Variants in NBAS observed in about 807,000 individuals in gnomAD.
NBAS encodes the protein NAG/BC035112 fusion.
Under a neutral mutation model 302.5 loss-of-function variants are expected in NBAS, and 219 were observed. The observed-to-expected ratio is 0.72, with a 90% CI of 0.65 to 0.81. The LOEUF (loss-of-function observed/expected upper bound fraction) is 0.81. NBAS is among the 30% of genes least tolerant of loss of function. NBAS has a pLI of 0.00. For synonymous variants in NBAS, 1,118 were observed against 1,021.6 expected (o/e 1.09, Z -1.80); for missense variants, 2,932 against 2,841.6 (o/e 1.03, Z -0.72).
At chr2:15,072,411 C>A in the NBAS span, among the ~76,000 whole-genome samples, 1 of 152,106 alleles carries the variant, frequency 6.6e-6, no homozygotes, top group Non-Finnish European at 1.5e-5. Flanking sequence ...GTACATGACT[C>A]CTTTACCATA....
rs185481614 is a variant in NBAS at position 15,257,916 on chromosome 2, T to C, written c.5724+17568A>G. ...AATAGAAAACTGACATTGAACTCAATCACAATCTAACAATAGTCATCCAAG... is the reference window on the plus strand; with the variant it reads ...AATAGAAAACTGACATTGAACTCAACCACAATCTAACAATAGTCATCCAAG... On this transcript the variant is annotated intron_variant, in intron 44 of 51. Transcript: ENST00000281513. Among the ~76,000 whole-genome samples the C allele has an allele frequency of 3.8e-3, 572 of 152,296 alleles. 3 individuals carry two copies. The highest frequency in any genetic ancestry group is 0.013 in the African/African-American group (553 of 41,556).
intron 44 of NBAS, among the ~76,000 whole-genome samples, chr2:15,248,090 C>T (rs575713148): frequency 1.0e-3 from 155 of 152,190 alleles, no homozygotes; most frequent in African/African-American, 3.5e-3. Context: ...GAATGGAAAT[C>T]ATAACAAACA....
chr2:15,049,843 G>A, the NBAS span, among the ~76,000 whole-genome samples: 14 of 152,182 alleles, frequency 9.2e-5, no homozygotes, highest in Admixed American at 3.3e-4. Context: ...CGACAGGGCC[G>A]GGAAGCCAGG....
intron 48 of NBAS, among the ~76,000 whole-genome samples, chr2:15,210,947 G>C (rs1179601287): frequency 6.6e-6 from 1 of 152,134 alleles, no homozygotes; most frequent in Non-Finnish European, 1.5e-5. Context: ...TGCAGATAGA[G>C]AATAGAAGGA....
chr2:15,036,057 C>A, the NBAS span, among the ~76,000 whole-genome samples: 1 of 152,154 alleles, frequency 6.6e-6, no homozygotes, highest in Non-Finnish European at 1.5e-5. Flanking sequence ...TGAAATTGCC[C>A]TTTAAAAATC....
chr2:15,177,109 G>T (rs1664577790), intron 51 of NBAS, among the ~76,000 whole-genome samples: 1 of 152,168 alleles, frequency 6.6e-6, no homozygotes, highest in Admixed American at 6.5e-5. Context: ...ACTCATCTTA[G>T]CAATTTATAC....
At chr2:15,475,543 T>A in intron 14 of NBAS, 144 bp downstream of exon 14, 1 of 860,800 alleles carries the variant, frequency 1.2e-6, no homozygotes, top group Non-Finnish European at 1.7e-6. Context: ...AAAATGGATT[T>A]TTTATACTAC....
chr2:14,981,490 G>GACA, the NBAS span, among the ~76,000 whole-genome samples: 1 of 152,208 alleles, frequency 6.6e-6, no homozygotes, highest in Non-Finnish European at 1.5e-5. Context: ...AAATAAGCAT[G>GACA]ACACAGACAA....
the NBAS span, among the ~76,000 whole-genome samples, chr2:14,817,114 A>T: frequency 6.6e-6 from 1 of 152,188 alleles, no homozygotes. Flanking sequence ...TACATGGTTG[A>T]CACATCATGC....
chr2:15,336,958 A>G (rs1672612512), intron 35 of NBAS, among the ~76,000 whole-genome samples: 1 of 152,048 alleles, frequency 6.6e-6, no homozygotes, highest in African/African-American at 2.4e-5. Flanking sequence ...GGTAAATGAA[A>G]CCAATTGAAA....
intron 6 of NBAS, among the ~76,000 whole-genome samples, chr2:15,549,971 G>A (rs959202193): frequency 3.3e-5 from 5 of 152,026 alleles, no homozygotes; most frequent in African/African-American, 1.2e-4. Flanking sequence ...TGGGCAACAA[G>A]GCAAGACCCT....
At chr2:15,067,586 C>A in the NBAS span, among the ~76,000 whole-genome samples, 1 of 151,984 alleles carries the variant, frequency 6.6e-6, no homozygotes, top group Non-Finnish European at 1.5e-5. Flanking sequence ...TGCAGAAGGA[C>A]AAGCACTGCA....
At chr2:15,227,454 C>T (rs1278171671) in intron 47 of NBAS, among the ~76,000 whole-genome samples, 1 of 151,840 alleles carries the variant, frequency 6.6e-6, no homozygotes, top group East Asian at 1.9e-4. Flanking sequence ...AATGCAATCC[C>T]TATCAAAATA....
At chr2:15,119,053 A>G in the NBAS span, among the ~76,000 whole-genome samples, 1 of 152,142 alleles carries the variant, frequency 6.6e-6, no homozygotes, top group Non-Finnish European at 1.5e-5. Context: ...TGGGCGTCAG[A>G]CAGACAAGGG....
chr2:15,467,959 A>G (rs1470621668), intron 17 of NBAS, among the ~76,000 whole-genome samples, 155 bp from the exon 18 acceptor site: 1 of 152,250 alleles, frequency 6.6e-6, no homozygotes, highest in Non-Finnish European at 1.5e-5. Flanking sequence ...CAAAGTGATC[A>G]TTCATTATAT....
the NBAS span, among the ~76,000 whole-genome samples, chr2:15,090,619 T>C: frequency 6.6e-6 from 1 of 152,196 alleles, no homozygotes; most frequent in Admixed American, 6.5e-5. Context: ...CCTGATCTTG[T>C]TACCTTTCCA....
the NBAS span, among the ~76,000 whole-genome samples, chr2:14,855,435 A>G: frequency 6.6e-6 from 1 of 151,964 alleles, no homozygotes; most frequent in East Asian, 1.9e-4. Context: ...AGATTGCTAC[A>G]GGGAGACAGA....
chr2:15,226,186 T>C (rs968898944), intron 47 of NBAS, among the ~76,000 whole-genome samples: 1 of 152,234 alleles, frequency 6.6e-6, no homozygotes, highest in Non-Finnish European at 1.5e-5. Flanking sequence ...AAAATTCAGA[T>C]GACAATTTCT....
At chr2:14,994,591 G>A in the NBAS span, among the ~76,000 whole-genome samples, 3 of 152,198 alleles carry the variant, frequency 2.0e-5, no homozygotes, top group South Asian at 4.1e-4. Context: ...CAAGGTTCCC[G>A]AGAGTCACAG....
Sources: allele counts gnomAD v4.1 joint callset (sites outside exome capture counted in the v4.1 genomes callset), GRCh38; gene constraint gnomAD v4.1.1; transcripts MANE v1.5; gene names NCBI Gene and HGNC (gene_info 2026-07-23, HGNC 2026-07-21).